The following DCDC2 variants were observed in gnomAD, a reference collection of about 807,000 sequenced individuals.
DCDC2 encodes doublecortin domain-containing protein 2.
A neutral mutation model predicts 50.2 loss-of-function variants in DCDC2; 40 were observed. That is an observed-to-expected ratio of 0.80 (90% CI 0.62 to 1.04). The LOEUF is 1.04. Among genes scored for constraint, DCDC2 ranks in the 50% least tolerant of loss-of-function variants. The pLI is 0.00. For missense variants in DCDC2, 570 were observed against 581.9 expected, an observed-to-expected ratio of 0.98 and a Z score of 0.21; for synonymous variants, 234 against 210.6, an observed-to-expected ratio of 1.11 and a Z score of -0.96.
intron 7 of DCDC2, among the ~76,000 whole-genome samples, chr6:24,212,675 C>G (rs1761896506): frequency 6.6e-6 from 1 of 152,210 alleles, no homozygotes; most frequent in African/African-American, 2.4e-5. Flanking sequence ...TGAATGCACA[C>G]TACACCCAAA....
intron 2 of DCDC2, among the ~76,000 whole-genome samples, chr6:24,314,236 G>GC (rs1032534385): frequency 4.6e-5 from 7 of 152,168 alleles, no homozygotes; most frequent in African/African-American, 1.7e-4. Context: ...ACCTTGGGAG[G>GC]CCAAGGCAAG....
intron 8 of DCDC2, among the ~76,000 whole-genome samples, chr6:24,187,522 T>G (rs1761230658): frequency 6.6e-6 from 1 of 152,120 alleles, no homozygotes. Context: ...TCTATTTATG[T>G]GCAAAAAAAA....
At chr6:24,308,702 TA>T (rs1181309578) in intron 2 of DCDC2, among the ~76,000 whole-genome samples, 1 of 152,106 alleles carries the variant, frequency 6.6e-6, no homozygotes, top group Non-Finnish European at 1.5e-5. Flanking sequence ...GGAAAAATGA[TA>T]AAATAAGAGG....
At chr6:24,191,962 AAAG>A (rs1480000546) in intron 8 of DCDC2, among the ~76,000 whole-genome samples, 1 of 152,164 alleles carries the variant, frequency 6.6e-6, no homozygotes, top group African/African-American at 2.4e-5. Flanking sequence ...TTAAAAACCT[AAAG>A]AAGGCTTGGG....
chr6:24,316,454 G>A (rs57500180), intron 2 of DCDC2, among the ~76,000 whole-genome samples: 15,600 of 152,030 alleles, frequency 0.1, 1,170 homozygotes, highest in African/African-American at 0.21. Context: ...CAGCTGTATG[G>A]ATGCCACTAA....
chr6:24,262,901 C>T (rs1414402484), intron 7 of DCDC2, among the ~76,000 whole-genome samples: 10 of 152,220 alleles, frequency 6.6e-5, no homozygotes, highest in Non-Finnish European at 1.3e-4. Context: ...GCAGTGGTCA[C>T]TGTGGGCCTT....
At chr6:24,278,323 T>C (rs1434982859) in intron 6 of DCDC2, 112 bp from the exon 7 acceptor site, 2 of 938,962 alleles carry the variant, frequency 2.1e-6, no homozygotes, top group Non-Finnish European at 3.1e-6. Context: ...GGGAGGTGTA[T>C]TGTCCTGGTT....
chr6:24,353,275 C>T, intron 2 of DCDC2: 1 of 494,842 alleles, frequency 2.0e-6, no homozygotes, highest in Non-Finnish European at 4.1e-6. Context: ...AATCTTCTCA[C>T]TTGACAGGGA....
intron 7 of DCDC2, among the ~76,000 whole-genome samples, chr6:24,265,892 A>G (rs1763110045): frequency 6.6e-6 from 1 of 152,004 alleles, no homozygotes; most frequent in African/African-American, 2.4e-5. Context: ...AAGAAATAAC[A>G]ACAGAGCAGA....
chr6:24,357,372 T>G (rs1760490968), intron 1 of DCDC2, 86 bp downstream of exon 1: 5 of 1,437,038 alleles, frequency 3.5e-6, no homozygotes, highest in East Asian at 2.3e-5. Flanking sequence ...CACTGAGGTG[T>G]GGGGGGGTAG....
chr6:24,343,259 C>G (rs1760195645), intron 2 of DCDC2, among the ~76,000 whole-genome samples: 1 of 151,920 alleles, frequency 6.6e-6, no homozygotes, highest in Non-Finnish European at 1.5e-5. Context: ...CCGTGTTAGC[C>G]AGGATGGTCT....
chr6:24,282,856 T>TA (rs968306359), intron 6 of DCDC2, among the ~76,000 whole-genome samples: 2 of 152,258 alleles, frequency 1.3e-5, no homozygotes, highest in Non-Finnish European at 2.9e-5. Context: ...GAAGCCCTTT[T>TA]ACCTATACCA....
At chr6:24,212,576 C>T (rs1761895266) in intron 7 of DCDC2, among the ~76,000 whole-genome samples, 1 of 152,168 alleles carries the variant, frequency 6.6e-6, no homozygotes, top group African/African-American at 2.4e-5. Context: ...TAGTAAAAGC[C>T]ATTTGCTAAC....
In DCDC2 at chr6:24,301,826, A is replaced by G. The variant is rs767941715; in HGVS notation, c.446T>C (p.Leu149Pro). ...AAGGAGGCGAGAAGCTGGGTTTATG[A>G]GGTCTCCATTTGCAATCAAGCTGGA... ...CTIFLIANGD[L>P]INPASRLLIP... The change falls in exon 4 of 10, where the codon CTC (leucine) becomes CCC (proline). Residue 149 changes from leucine to proline, a missense_variant. By Grantham distance (98) the Leu-to-Pro change is moderately conservative. Transcript: ENST00000378454. The G allele has an allele frequency of 6.2e-7, 1 of 1,614,182 alleles. No individual in the cohort carries two copies. Among genetic ancestry groups the G allele is most frequent in the South Asian group, 1.1e-5 (1 of 91,088 alleles).
Position 24,278,190 on chromosome 6 carries a change from A to G in DCDC2, c.781T>C (p.Ser261Pro), listed in dbSNP as rs1427920295. ...KGSGNDRHSKSTVGSSDNSSP... is the reference protein window; with the variant it reads ...KGSGNDRHSKPTVGSSDNSSP... ...GAGTTGTCACTGGATCCAACTGTTGACTTAGAGTGGCGATCATTTCCCTAA... is the reference window on the plus strand; with the variant it reads ...GAGTTGTCACTGGATCCAACTGTTGGCTTAGAGTGGCGATCATTTCCCTAA... The change falls in exon 7 of 10, where the codon TCA becomes CCA. Residue 261 changes from serine (S) to proline (P), a missense_variant. By Grantham distance (74) the Ser-to-Pro change is moderately conservative. Coordinates refer to ENST00000378454, the MANE Select transcript of DCDC2 (RefSeq NM_016356.5). 3 of 1,609,854 alleles carry G rather than the reference A, an allele frequency of 1.9e-6. No homozygotes were observed. The highest frequency in any genetic ancestry group is 2.5e-6 in the Non-Finnish European group (3 of 1,179,014).
the DCDC2 span, among the ~76,000 whole-genome samples, chr6:24,374,132 A>G: frequency 6.7e-6 from 1 of 149,184 alleles, no homozygotes; most frequent in Non-Finnish European, 1.5e-5. Flanking sequence ...ACTGAACTCC[A>G]GCCTGGGCGA....
chr6:24,237,397 G>A (rs752560960), intron 7 of DCDC2, among the ~76,000 whole-genome samples: 1 of 152,006 alleles, frequency 6.6e-6, no homozygotes, highest in Non-Finnish European at 1.5e-5. Context: ...AAAATAAATT[G>A]CAAAAACAAA....
the DCDC2 span, among the ~76,000 whole-genome samples, chr6:24,383,164 T>A: frequency 1.3e-5 from 2 of 151,942 alleles, no homozygotes; most frequent in East Asian, 3.9e-4. Flanking sequence ...CCGTCTCTAC[T>A]GAAAATACAA....
chr6:24,351,612 T>G (rs1760373700), intron 2 of DCDC2, among the ~76,000 whole-genome samples: 1 of 152,158 alleles, frequency 6.6e-6, no homozygotes. Flanking sequence ...GGAAGCAGGA[T>G]GAAAGAGATG....
Sources: allele counts gnomAD v4.1 joint callset (sites outside exome capture counted in the v4.1 genomes callset), GRCh38; gene constraint gnomAD v4.1.1; transcripts MANE v1.5; gene names NCBI Gene and HGNC (gene_info 2026-07-23, HGNC 2026-07-21).